The following SNTG1 variants were observed in gnomAD, a reference collection of about 807,000 sequenced individuals.
SNTG1 encodes the protein syntrophin gamma 1.
Under a neutral mutation model 74.7 loss-of-function variants are expected in SNTG1, and 39 were observed. The ratio of observed to expected loss-of-function variants is 0.52; its 90% CI spans 0.40 to 0.68. The LOEUF is 0.68. Among genes scored for constraint, SNTG1 ranks in the 30% least tolerant of loss-of-function variants. The pLI, the probability that SNTG1 is intolerant of heterozygous loss-of-function variation, is 0.00. For missense variants in SNTG1, 685 were observed against 609.5 expected, an observed-to-expected ratio of 1.12 and a Z score of -1.30; for synonymous variants, 254 against 217.1, an observed-to-expected ratio of 1.17 and a Z score of -1.49.
chr8:49,968,654 G>A (rs1435832789), intron 1 of SNTG1, among the ~76,000 whole-genome samples: 4 of 152,072 alleles, frequency 2.6e-5, no homozygotes, highest in Non-Finnish European at 5.9e-5. Flanking sequence ...CAGGATGCAG[G>A]TTATACCAAA....
chr8:50,457,728 T>G (rs1269584158), intron 8 of SNTG1, among the ~76,000 whole-genome samples: 1 of 152,132 alleles, frequency 6.6e-6, no homozygotes, highest in Non-Finnish European at 1.5e-5. Context: ...ACATCCCCAC[T>G]GCAGGCCTCA....
chr8:50,690,310 T>C (rs1164646949), intron 15 of SNTG1, among the ~76,000 whole-genome samples: 1 of 152,184 alleles, frequency 6.6e-6, no homozygotes, highest in Non-Finnish European at 1.5e-5. Flanking sequence ...TGTTTGCTCT[T>C]GCTTCTCTAG....
rs914664113 is a variant in SNTG1 at position 49,919,378 on chromosome 8, T to C, written c.-103+7147T>C. ...CTTCCCAGAACACAAATGACTAGCA[T>C]AGTGCAGTTTTCAGTGAAAGGGGAG... On this transcript the variant is annotated intron_variant, in intron 1 of 18. Transcript: ENST00000642720. Among the ~76,000 whole-genome samples the C allele has an allele frequency of 6.6e-5, 10 of 152,078 alleles. 1 individual carries two copies. Among genetic ancestry groups the C allele is most frequent in the Admixed American group, 3.9e-4 (6 of 15,256 alleles).
intron 11 of SNTG1, among the ~76,000 whole-genome samples, chr8:50,538,351 T>C (rs1336514641): frequency 2.0e-5 from 3 of 152,168 alleles, no homozygotes; most frequent in Non-Finnish European, 4.4e-5. Flanking sequence ...TACCCATCAA[T>C]GATCTTTCTG....
intron 13 of SNTG1, among the ~76,000 whole-genome samples, chr8:50,653,344 A>G (rs1344993565): frequency 1.3e-5 from 2 of 152,120 alleles, no homozygotes; most frequent in Non-Finnish European, 2.9e-5. Flanking sequence ...GGGCAAGAGG[A>G]TCACTTGAGC....
At chr8:50,389,050 G>A (rs767442191) in intron 2 of SNTG1, among the ~76,000 whole-genome samples, 1 of 152,180 alleles carries the variant, frequency 6.6e-6, no homozygotes, top group Non-Finnish European at 1.5e-5. Flanking sequence ...CAACAGGGCA[G>A]CAGCTTCTTG....
chr8:50,768,864 G>T (rs1262681661), intron 18 of SNTG1, among the ~76,000 whole-genome samples: 1 of 151,980 alleles, frequency 6.6e-6, no homozygotes, highest in Admixed American at 6.6e-5. Flanking sequence ...TCACATTTGT[G>T]CAGGTGTGTG....
At chr8:50,404,066 A>T (rs917239256) in intron 4 of SNTG1, among the ~76,000 whole-genome samples, 6 of 152,206 alleles carry the variant, frequency 3.9e-5, no homozygotes, top group African/African-American at 1.4e-4. Context: ...AAAAGATAGA[A>T]TAACACTAAA....
intron 8 of SNTG1, among the ~76,000 whole-genome samples, chr8:50,471,386 G>T (rs1322158912): frequency 1.3e-5 from 2 of 151,906 alleles, no homozygotes; most frequent in Non-Finnish European, 2.9e-5. Context: ...ATACTACATA[G>T]GAAATAATAC....
chr8:50,533,771 T>G (rs1254069848), intron 10 of SNTG1, among the ~76,000 whole-genome samples: 2 of 152,122 alleles, frequency 1.3e-5, no homozygotes, highest in Non-Finnish European at 2.9e-5. Context: ...TATAAGAAAG[T>G]GACATACTTA....
At chr8:50,515,387 GTTTTTTT>G (rs34086906) in intron 9 of SNTG1, among the ~76,000 whole-genome samples, 14 of 80,442 alleles carry the variant, frequency 1.7e-4, no homozygotes, top group Middle Eastern at 9.1e-3. Flanking sequence ...AGCTGCAGGA[GTTTTTTT>G]TTTTTTTTTT....
intron 1 of SNTG1, among the ~76,000 whole-genome samples, chr8:50,078,727 G>A (rs1260477587): frequency 2.0e-5 from 3 of 151,898 alleles, no homozygotes; most frequent in African/African-American, 4.8e-5. Context: ...CCCAACCCTC[G>A]ACAGGCCCCA....
At chr8:49,957,542 C>A (rs890092078) in intron 1 of SNTG1, among the ~76,000 whole-genome samples, 4 of 152,076 alleles carry the variant, frequency 2.6e-5, no homozygotes, top group Admixed American at 1.3e-4. Context: ...GACAAGCAGG[C>A]AGAATGTTTG....
At chr8:50,157,965 A>G (rs1361127665) in intron 1 of SNTG1, among the ~76,000 whole-genome samples, 2 of 152,292 alleles carry the variant, frequency 1.3e-5, no homozygotes, top group Non-Finnish European at 2.9e-5. Context: ...AGTTAAATGT[A>G]TATTTTCTTT....
At chr8:50,344,496 G>A (rs1023694244) in intron 2 of SNTG1, among the ~76,000 whole-genome samples, 3 of 152,126 alleles carry the variant, frequency 2.0e-5, no homozygotes. Context: ...TAAACTCCAT[G>A]TCTTGATGGG....
intron 1 of SNTG1, among the ~76,000 whole-genome samples, chr8:50,113,472 G>C (rs2080685609): frequency 6.6e-6 from 1 of 152,152 alleles, no homozygotes; most frequent in Non-Finnish European, 1.5e-5. Context: ...ATCAGCTTAA[G>C]GAGATTTTGG....
At chr8:50,320,136 GT>G (rs1179751547) in intron 2 of SNTG1, among the ~76,000 whole-genome samples, 6 of 152,146 alleles carry the variant, frequency 3.9e-5, no homozygotes, top group African/African-American at 1.4e-4. Context: ...AAGACATTGG[GT>G]TCTGGACTTT....
At chr8:50,505,182 A>T (rs2623204) in intron 9 of SNTG1, among the ~76,000 whole-genome samples, 56,557 of 152,018 alleles carry the variant, frequency 0.37, 13,285 homozygotes, top group African/African-American at 0.67. Context: ...CTATTTAAGA[A>T]TGAATAACAT....
At chr8:50,624,525 A>G (rs1434849254) in intron 13 of SNTG1, among the ~76,000 whole-genome samples, 1 of 152,090 alleles carries the variant, frequency 6.6e-6, no homozygotes, top group Non-Finnish European at 1.5e-5. Flanking sequence ...TCTCGAGAGA[A>G]TGAAGCCAAT....
Sources: gnomAD v4.1 joint callset for allele counts (sites outside exome capture counted in the v4.1 genomes callset) on GRCh38, gnomAD v4.1.1 for gene constraint, MANE v1.5 for transcripts, NCBI Gene and HGNC (gene_info 2026-07-23, HGNC 2026-07-21) for gene names.